Variants in GRIN2A observed in about 807,000 individuals in gnomAD.
The protein encoded by GRIN2A is glutamate ionotropic receptor NMDA type subunit 2A.
A neutral mutation model predicts 113.4 loss-of-function variants in GRIN2A; 22 were observed. The ratio of observed to expected loss-of-function variants is 0.19; its 90% CI spans 0.14 to 0.28. GRIN2A has a LOEUF of 0.28. Ranked by LOEUF, GRIN2A falls within the 10% of genes least tolerant of loss-of-function variation. GRIN2A has a pLI of 1.00. For synonymous variants in GRIN2A, 827 were observed against 738.4 expected, an observed-to-expected ratio of 1.12 and a Z score of -1.94; for missense variants, 1,502 against 1,887.0, an observed-to-expected ratio of 0.80 and a Z score of 3.78.
intron 4 of GRIN2A, among the ~76,000 whole-genome samples, chr16:9,859,980 C>T (rs767502777): frequency 4.0e-5 from 6 of 151,538 alleles, no homozygotes; most frequent in Non-Finnish European, 7.4e-5. Context: ...GTGAACAGTC[C>T]TCAGAGAGGT....
At chr16:9,770,723 C>T (rs765587028) in intron 11 of GRIN2A, among the ~76,000 whole-genome samples, 5 of 152,180 alleles carry the variant, frequency 3.3e-5, no homozygotes, top group African/African-American at 4.8e-5. Flanking sequence ...GGCAAAAATT[C>T]ACCTGCTATG....
intron 2 of GRIN2A, among the ~76,000 whole-genome samples, chr16:9,996,801 G>A (rs779106308): frequency 1.3e-5 from 2 of 152,120 alleles, no homozygotes; most frequent in Non-Finnish European, 2.9e-5. Flanking sequence ...GAGATGAATA[G>A]GGGTGGGGAT....
At chr16:9,960,002 C>T (rs1041436820) in intron 2 of GRIN2A, among the ~76,000 whole-genome samples, 1 of 152,056 alleles carries the variant, frequency 6.6e-6, no homozygotes, top group African/African-American at 2.4e-5. Context: ...ATAGCACATA[C>T]CAGCAAACCT....
At chr16:9,836,520 G>C (rs2042585715) in intron 7 of GRIN2A, among the ~76,000 whole-genome samples, 1 of 152,200 alleles carries the variant, frequency 6.6e-6, no homozygotes, top group Non-Finnish European at 1.5e-5. Flanking sequence ...TAACACGCTA[G>C]TCAGAAAATC....
chr16:10,021,739 T>C (rs2046727203), intron 2 of GRIN2A, among the ~76,000 whole-genome samples: 1 of 151,540 alleles, frequency 6.6e-6, no homozygotes, highest in East Asian at 2.0e-4. Flanking sequence ...CTTGGGGTTG[T>C]CTCCCCTGTC....
chr16:10,090,866 G>A (rs2048172430), intron 2 of GRIN2A, among the ~76,000 whole-genome samples: 1 of 152,016 alleles, frequency 6.6e-6, no homozygotes, highest in Admixed American at 6.5e-5. Flanking sequence ...AAAATAAGAT[G>A]AGCTAAAAAA....
At chr16:9,849,167 A>ACAG (rs2042832332) in intron 5 of GRIN2A, among the ~76,000 whole-genome samples, 4 of 135,998 alleles carry the variant, frequency 2.9e-5, no homozygotes, top group African/African-American at 1.0e-4. Context: ...AATATATAAA[A>ACAG]TATACTGTTT....
chr16:10,145,719 T>C (rs909778325), intron 2 of GRIN2A, among the ~76,000 whole-genome samples: 1 of 152,202 alleles, frequency 6.6e-6, no homozygotes, highest in Non-Finnish European at 1.5e-5. Context: ...AGTAAATGTT[T>C]TAGGATTTGT....
At chr16:9,778,634 T>C (rs1901752219) in intron 11 of GRIN2A, among the ~76,000 whole-genome samples, 1 of 152,258 alleles carries the variant, frequency 6.6e-6, no homozygotes, top group African/African-American at 2.4e-5. Flanking sequence ...CCTGCCCTAA[T>C]GACCAACGAG....
chr16:10,004,303 C>A (rs188715037), intron 2 of GRIN2A, among the ~76,000 whole-genome samples: 2 of 151,766 alleles, frequency 1.3e-5, no homozygotes, highest in Non-Finnish European at 2.9e-5. Flanking sequence ...GCAGGAGAAT[C>A]GCTTGAACCC....
intron 4 of GRIN2A, among the ~76,000 whole-genome samples, chr16:9,863,978 G>A (rs9924284): frequency 0.028 from 4,227 of 152,242 alleles, 196 homozygotes; most frequent in African/African-American, 0.097. Context: ...TTGGGGCTGG[G>A]GAAGGTTAAA....
chr16:10,106,709 G>A (rs976719165), intron 2 of GRIN2A, among the ~76,000 whole-genome samples: 3 of 152,236 alleles, frequency 2.0e-5, no homozygotes, highest in Non-Finnish European at 4.4e-5. Context: ...GGCATTCCAC[G>A]GACTTTGGGG....
At chr16:9,902,140 AAT>A (rs1440605213) in intron 3 of GRIN2A, among the ~76,000 whole-genome samples, 3 of 149,956 alleles carry the variant, frequency 2.0e-5, no homozygotes, top group Non-Finnish European at 4.4e-5. Flanking sequence ...TAGTAACAGA[AAT>A]TCTATTTTTA....
chr16:9,777,980 A>G (rs1421492222), intron 11 of GRIN2A, among the ~76,000 whole-genome samples: 1 of 152,164 alleles, frequency 6.6e-6, no homozygotes, highest in Non-Finnish European at 1.5e-5. Flanking sequence ...CAGTAGAATC[A>G]CTTGAACCTG....
At chr16:10,053,838 G>A (rs911505631) in intron 2 of GRIN2A, among the ~76,000 whole-genome samples, 1 of 152,104 alleles carries the variant, frequency 6.6e-6, no homozygotes, top group African/African-American at 2.4e-5. Flanking sequence ...AATATGGAAT[G>A]ACAATAAGAA....
rs189681184 is a variant in GRIN2A, at chr16:10,102,471, G to A, written c.414+77527C>T. On this transcript the variant is annotated intron_variant, in intron 2 of 12. Coordinates refer to ENST00000330684, the MANE Select transcript of GRIN2A (RefSeq NM_001134407.3). Reference sequence around the variant, plus strand: ...TGCTTCCTGTATAGCCTGCAGAACCGTGAGCCAATTAAACCTCTCTTCTTT... The same window carrying A: ...TGCTTCCTGTATAGCCTGCAGAACCATGAGCCAATTAAACCTCTCTTCTTT... Among the ~76,000 whole-genome samples the A allele has an allele frequency of 1.4e-3, 215 of 152,260 alleles. 1 individual carries two copies. The highest frequency in any genetic ancestry group is 4.9e-3 in the African/African-American group (205 of 41,564).
At chr16:10,075,056 A>G (rs926628104) in intron 2 of GRIN2A, among the ~76,000 whole-genome samples, 4 of 152,254 alleles carry the variant, frequency 2.6e-5, no homozygotes, top group African/African-American at 9.6e-5. Flanking sequence ...GGCATTGAGA[A>G]TGTGGTTCTG....
At chr16:9,796,440 C>T (rs1324758679) in intron 11 of GRIN2A, among the ~76,000 whole-genome samples, 1 of 152,246 alleles carries the variant, frequency 6.6e-6, no homozygotes, top group Non-Finnish European at 1.5e-5. Context: ...AATTCTTCAG[C>T]ATACTCTCAG....
At chr16:9,860,691 G>T (rs994178950) in intron 4 of GRIN2A, among the ~76,000 whole-genome samples, 2 of 152,086 alleles carry the variant, frequency 1.3e-5, no homozygotes, top group Admixed American at 6.6e-5. Context: ...GGAGATGGCT[G>T]CAGGATCTGG....
Sources: allele counts gnomAD v4.1 joint callset (sites outside exome capture counted in the v4.1 genomes callset), GRCh38; gene constraint gnomAD v4.1.1; transcripts MANE v1.5; gene names NCBI Gene and HGNC (gene_info 2026-07-23, HGNC 2026-07-21).